GAGE1: variants seen among roughly 807,000 people sequenced by gnomAD.
GAGE1 encodes G antigen 4.
Under a neutral mutation model 5.0 loss-of-function variants are expected in GAGE1, and 5 were observed. That is an observed-to-expected ratio of 1.00 (90% CI 0.52 to 2.11). The LOEUF (loss-of-function observed/expected upper bound fraction) is 2.11, where lower values mean the gene tolerates loss of function less well. Among genes scored for constraint, GAGE1 ranks in the 30% most tolerant of loss-of-function variants. The pLI is 0.01. For synonymous variants in GAGE1, 6 were observed against 14.8 expected (o/e 0.40, Z 1.37); for missense variants, 9 against 38.9 (o/e 0.23, Z 2.04).
At chrX:49,605,326 A>T (rs1210953521) in intron 4 of GAGE1, among the ~76,000 whole-genome samples, 3 of 112,440 alleles carry the variant, frequency 2.7e-5, no homozygotes, top group African/African-American at 9.7e-5. Flanking sequence ...AATTGATAAG[A>T]TTTAAAGTTG....
intron 4 of GAGE1, among the ~76,000 whole-genome samples, chrX:49,604,662 TG>T (rs1205736491): frequency 8.9e-5 from 10 of 112,566 alleles, no homozygotes; most frequent in African/African-American, 3.2e-4. Flanking sequence ...CATGAAACCC[TG>T]GCCCGAGTCA....
In GAGE1 at chrX:49,605,107, C is replaced by G. The variant is rs369714902; in HGVS notation, c.332-886C>G. 35 of 1,008,517 alleles carry G rather than the reference C, an allele frequency of 3.5e-5. No homozygotes were observed. The African/African-American group carries it at 5.8e-4, about 17-fold the overall frequency. The allele number at this position is 1,008,517 out of a possible 1,213,427, so 83.1% of individuals were successfully genotyped here. A position where few individuals can be genotyped will look rare whatever the true frequency, so the allele number is the denominator to read the frequency against. On this transcript the variant is annotated intron_variant, in intron 4 of 4. Transcript: ENST00000381700. ...CTTGAGTGACTGAAATATCAAATGG[C>G]AAGAGACCGTTTAGTTCCTATCATC...
rs782107676 is a variant in GAGE1, at chrX:49,604,982, T to TG, written c.332-1011_332-1010insG. 1.2e-5 allele frequency: 11 copies of TG among 912,598 alleles called. No homozygotes were observed. In the African/African-American group the frequency reaches 1.8e-4, roughly 15 times the overall value. 75.2% of individuals were successfully genotyped at this position (912,598 alleles called of 1,213,427 possible). A position where few individuals can be genotyped will look rare whatever the true frequency, so the allele number is the denominator to read the frequency against. ...GCCAACGTACCTGAGTAAAATTTTT[T>TG]TTTTCATTTTTGTAGAGATGAGGTC... On this transcript the variant is annotated intron_variant, in intron 4 of 4. Coordinates refer to ENST00000381700, the MANE Select transcript of GAGE1 (RefSeq NM_001040663.4).
intron 4 of GAGE1, chrX:49,604,920 A>T: frequency 2.7e-6 from 1 of 375,666 alleles, no homozygotes; most frequent in Non-Finnish European, 4.5e-6. Flanking sequence ...CAGTCCTCCC[A>T]CCTCAGCCTC....
At chrX:49,603,314 C>T (rs2066624220) in intron 3 of GAGE1, among the ~76,000 whole-genome samples, 3 of 59,693 alleles carry the variant, frequency 5.0e-5, no homozygotes, top group African/African-American at 2.3e-4. Context: ...GCTACTCATG[C>T]CATGTAAGAG....
intron 4 of GAGE1, among the ~76,000 whole-genome samples, chrX:49,604,118 G>T (rs1303055863): frequency 8.9e-6 from 1 of 112,735 alleles, no homozygotes; most frequent in African/African-American, 3.2e-5. Flanking sequence ...CATTGAAATT[G>T]CCGGGATTAC....
chrX:49,605,081 C>T (rs782305886), intron 4 of GAGE1: 16 of 1,018,388 alleles, frequency 1.6e-5, no homozygotes, highest in African/African-American at 3.9e-5. Flanking sequence ...CCCACGGAAA[C>T]CTTGAGTGAC....
intron 4 of GAGE1, among the ~76,000 whole-genome samples, chrX:49,604,008 G>A (rs1268616275): frequency 4.4e-5 from 5 of 112,790 alleles, no homozygotes; most frequent in African/African-American, 1.3e-4. Context: ...GTGCTCCGCC[G>A]TGCCCAGCTA....
intron 4 of GAGE1, among the ~76,000 whole-genome samples, chrX:49,604,142 T>C (rs4824479): frequency 1.8e-4 from 20 of 112,848 alleles, no homozygotes; most frequent in South Asian, 7.3e-4. Flanking sequence ...CGAGAGCCAC[T>C]GTGCCAGACC....
At chrX:49,604,954 C>G (rs782471410) in intron 4 of GAGE1, 5 of 647,644 alleles carry the variant, frequency 7.7e-6, no homozygotes, top group African/African-American at 4.5e-5. Context: ...ACTACATGCA[C>G]AAGCCAACGT....
chrX:49,603,961 T>A (rs1425621830), intron 4 of GAGE1, among the ~76,000 whole-genome samples, 168 bp downstream of exon 4: 56 of 113,455 alleles, frequency 4.9e-4, no homozygotes, highest in African/African-American at 1.8e-3. Flanking sequence ...CAAGTGATTC[T>A]CCTGCCTGAG....
intron 4 of GAGE1, among the ~76,000 whole-genome samples, chrX:49,604,342 C>T (rs1489581824): frequency 4.5e-5 from 5 of 112,200 alleles, no homozygotes; most frequent in African/African-American, 1.6e-4. Flanking sequence ...ACCAGTAGCT[C>T]ATAATTTTCA....
Position 49,604,271 on chromosome X carries a change from A to G in GAGE1, c.331+478A>G, listed in dbSNP as rs182389620. Among the ~76,000 whole-genome samples the G allele has an allele frequency of 2.9e-4, 33 of 112,862 alleles. No homozygotes were observed. In the East Asian group the frequency reaches 8.3e-3, roughly 29 times the overall value. On this transcript the variant is annotated intron_variant, in intron 4 of 4. Coordinates refer to ENST00000381700, the MANE Select transcript of GAGE1 (RefSeq NM_001040663.4). The stretch of plus-strand genomic sequence containing the variant: ...CAGCACCCGAGTGATAGACTTTCAG[A>G]TAGGGAAACAAGCTGAGTCAAAGGT...
intron 4 of GAGE1, among the ~76,000 whole-genome samples, chrX:49,604,192 C>A (rs1161799548): frequency 8.9e-6 from 1 of 112,432 alleles, no homozygotes; most frequent in Non-Finnish European, 1.9e-5. Context: ...AACAATACTG[C>A]CTCTTTAGTA....
chrX:49,605,038 G>T (rs1557131909), intron 4 of GAGE1: 3 of 1,022,331 alleles, frequency 2.9e-6, no homozygotes, highest in Non-Finnish European at 2.6e-6. Flanking sequence ...GGATTCTCTG[G>T]CTTTTAATGA....
rs1450569970 is a variant in GAGE1 at position 49,607,537 on chromosome X, T to G, written c.*1522T>G. On this transcript the variant is annotated 3_prime_UTR_variant, in exon 5 of 5. Transcript: ENST00000381700. ...CCCATAATGAGCTTTTCTAGAATGC[T>G]TCTCTCAGATTTGGACCCTACTTAA... 3 of 111,117 alleles carry G rather than the reference T, an allele frequency of 2.7e-5. No individual in the cohort carries two copies. Among genetic ancestry groups the G allele is most frequent in the Admixed American group, 9.7e-5 (1 of 10,335 alleles). The allele number at this position is 111,117 out of a possible 1,213,427, so 9.2% of individuals were successfully genotyped here. A position where few individuals can be genotyped will look rare whatever the true frequency, so the allele number is the denominator to read the frequency against.
At chrX:49,604,203 A>AC (rs1207600681) in intron 4 of GAGE1, among the ~76,000 whole-genome samples, 2 of 112,514 alleles carry the variant, frequency 1.8e-5, no homozygotes, top group Non-Finnish European at 3.8e-5. Flanking sequence ...CTCTTTAGTA[A>AC]AGAGTTCTTA....
intron 4 of GAGE1, among the ~76,000 whole-genome samples, chrX:49,605,317 A>T (rs1484627366): frequency 8.9e-5 from 10 of 112,389 alleles, no homozygotes; most frequent in South Asian, 7.4e-4. Flanking sequence ...AGAGACATGA[A>T]TTGATAAGAT....
At chrX:49,602,727 C>A (rs60921948) in intron 3 of GAGE1, among the ~76,000 whole-genome samples, 13,791 of 70,840 alleles carry the variant, frequency 0.19, 3,353 homozygotes, top group Non-Finnish European at 0.34. Context: ...GCACAAAGAT[C>A]AAAATCAGGA....
Sources: allele counts gnomAD v4.1 joint callset (sites outside exome capture counted in the v4.1 genomes callset), GRCh38; gene constraint gnomAD v4.1.1; transcripts MANE v1.5; gene names NCBI Gene and HGNC (gene_info 2026-07-23, HGNC 2026-07-21).